Variants in LARGE1 observed in about 807,000 individuals in gnomAD.
The protein encoded by LARGE1 is LARGE xylosyl- and glucuronyltransferase 1.
In LARGE1, 43 loss-of-function variants were observed where a neutral mutation model predicts 87.6. The observed-to-expected ratio is 0.49, with a 90% confidence interval of 0.38 to 0.63. The LOEUF (loss-of-function observed/expected upper bound fraction) is 0.63. Ranked by LOEUF, LARGE1 falls within the 30% of genes least tolerant of loss-of-function variation. LARGE1 has a pLI of 0.00. For missense variants in LARGE1, 802 were observed against 1,000.2 expected, an observed-to-expected ratio of 0.80 and a Z score of 2.67; for synonymous variants, 434 against 394.6, an observed-to-expected ratio of 1.10 and a Z score of -1.18.
chr22:33,293,959 A>G (rs576288375), intron 12 of LARGE1, among the ~76,000 whole-genome samples: 4 of 152,360 alleles, frequency 2.6e-5, no homozygotes, highest in African/African-American at 9.6e-5. Context: ...TTATCTCTGC[A>G]TTTAGCACTA....
At chr22:33,497,942 G>A (rs947710696) in intron 6 of LARGE1, among the ~76,000 whole-genome samples, 24 of 152,140 alleles carry the variant, frequency 1.6e-4, no homozygotes, top group African/African-American at 5.8e-4. Context: ...GAATGCAGTG[G>A]TATCATCTCG....
intron 1 of LARGE1, among the ~76,000 whole-genome samples, chr22:33,782,649 G>T (rs550328380): frequency 1.3e-5 from 2 of 151,910 alleles, no homozygotes; most frequent in Admixed American, 6.6e-5. Context: ...GGCGCATCAC[G>T]AGGTCAGGAG....
intron 1 of LARGE1, among the ~76,000 whole-genome samples, chr22:33,779,554 T>G (rs529956088): frequency 6.6e-6 from 1 of 151,754 alleles, no homozygotes; most frequent in South Asian, 2.1e-4. Context: ...CGGAGGTGGG[T>G]GGATCACCAG....
At chr22:33,102,848 T>C in the LARGE1 span, among the ~76,000 whole-genome samples, 1 of 151,980 alleles carries the variant, frequency 6.6e-6, no homozygotes, top group Non-Finnish European at 1.5e-5. Flanking sequence ...TTGCAATCTC[T>C]TGGGAGAGGA....
chr22:33,858,589 T>C (rs1158627357), intron 1 of LARGE1, among the ~76,000 whole-genome samples: 1 of 152,238 alleles, frequency 6.6e-6, no homozygotes, highest in Non-Finnish European at 1.5e-5. Flanking sequence ...TGAGCTAAGA[T>C]GCAAGCACCC....
At chr22:33,802,985 C>T (rs1027190350) in intron 1 of LARGE1, among the ~76,000 whole-genome samples, 1 of 152,128 alleles carries the variant, frequency 6.6e-6, no homozygotes, top group African/African-American at 2.4e-5. Context: ...GGTAGACAGA[C>T]AATTGGATGG....
chr22:33,910,542 T>C (rs918206129), intron 1 of LARGE1, among the ~76,000 whole-genome samples: 15 of 152,134 alleles, frequency 9.9e-5, no homozygotes, highest in African/African-American at 3.6e-4. Context: ...CTTTCACTCA[T>C]CCCCTTACGA....
chr22:33,556,214 A>T (rs1216113441), intron 6 of LARGE1, among the ~76,000 whole-genome samples: 1 of 152,046 alleles, frequency 6.6e-6, no homozygotes, highest in African/African-American at 2.4e-5. Flanking sequence ...TGTATCTAGA[A>T]TCTAGCGGTT....
chr22:33,756,777 G>A (rs566146150), intron 2 of LARGE1, among the ~76,000 whole-genome samples: 2 of 152,328 alleles, frequency 1.3e-5, no homozygotes, highest in East Asian at 3.9e-4. Flanking sequence ...CTGCAAGAAA[G>A]TGGGCTGTTG....
chr22:33,775,894 G>A (rs1231539526), intron 1 of LARGE1, among the ~76,000 whole-genome samples: 18 of 148,966 alleles, frequency 1.2e-4, no homozygotes, highest in Admixed American at 1.2e-3. Context: ...GATGCTACCA[G>A]CATCGGGTGG....
intron 11 of LARGE1, among the ~76,000 whole-genome samples, chr22:33,210,404 C>A (rs1924900788): frequency 6.6e-6 from 1 of 152,358 alleles, no homozygotes. Flanking sequence ...ACCGGCGGAA[C>A]CTGGTCTGTG....
rs925299001 is a variant in LARGE1, at chr22:33,304,502, T to C, written c.1457A>G (p.Gln486Arg). ...LVAQLSMDRL[Q>R]MLEAICKHWE... ...GTGCTTGCAGATGGCCTCCAGCATC[T>C]GGAGCCTGGAAGAGACAGGGAGGGT... Residue 486 changes from glutamine to arginine, a missense_variant, in exon 12 of 15, where the codon CAG becomes CGG. By Grantham distance (43) the Gln-to-Arg change is conservative (BLOSUM62 1). This residue lies in a region of LARGE1 where 625 missense variants were observed against 841.9 expected (regional missense o/e 0.74). Transcript: ENST00000397394. 2 of 1,593,622 alleles carry C rather than the reference T, an allele frequency of 1.3e-6. No homozygotes were observed. The highest frequency in any genetic ancestry group is 1.7e-6 in the Non-Finnish European group (2 of 1,169,854).
At chr22:33,139,730 G>A in the LARGE1 span, among the ~76,000 whole-genome samples, 170 of 152,218 alleles carry the variant, frequency 1.1e-3, no homozygotes, top group Non-Finnish European at 2.1e-3. Flanking sequence ...GGAAATACAA[G>A]CCTCTTCTTA....
chr22:33,765,448 A>G (rs952948877), intron 1 of LARGE1, among the ~76,000 whole-genome samples: 1 of 152,180 alleles, frequency 6.6e-6, no homozygotes, highest in Non-Finnish European at 1.5e-5. Flanking sequence ...TCACACCTGT[A>G]ATCCCAGCAC....
At chr22:33,916,294 A>C (rs1224178742) in intron 1 of LARGE1, among the ~76,000 whole-genome samples, 3 of 152,012 alleles carry the variant, frequency 2.0e-5, no homozygotes, top group African/African-American at 7.2e-5. Context: ...AAAAAAAGAA[A>C]AAACAAACAA....
the LARGE1 span, among the ~76,000 whole-genome samples, chr22:33,098,170 T>C: frequency 2.0e-5 from 3 of 152,192 alleles, no homozygotes; most frequent in East Asian, 3.9e-4. Flanking sequence ...TAGCCGGGCA[T>C]GGTGGCACAT....
At chr22:33,293,099 T>A (rs778241315) in intron 12 of LARGE1, among the ~76,000 whole-genome samples, 18 of 152,196 alleles carry the variant, frequency 1.2e-4, no homozygotes, top group South Asian at 2.1e-4. Flanking sequence ...AGACTTCTCA[T>A]CACTGAGATG....
chr22:33,227,566 T>C (rs978718874), intron 11 of LARGE1, among the ~76,000 whole-genome samples: 1 of 152,192 alleles, frequency 6.6e-6, no homozygotes, highest in Non-Finnish European at 1.5e-5. Context: ...AAGCTTAGAT[T>C]TGACCCCAAA....
intron 1 of LARGE1, among the ~76,000 whole-genome samples, chr22:33,830,673 G>A (rs1479565203): frequency 1.3e-5 from 2 of 152,148 alleles, no homozygotes; most frequent in Non-Finnish European, 2.9e-5. Context: ...TGACAATGGC[G>A]GTGGTGGTTG....
Sources: gnomAD v4.1 joint callset for allele counts (sites outside exome capture counted in the v4.1 genomes callset) on GRCh38, gnomAD v4.1.1 for gene constraint, gnomAD v4.1.1 regional missense constraint, MANE v1.5 for transcripts, NCBI Gene and HGNC (gene_info 2026-07-23, HGNC 2026-07-21) for gene names.